Variants in FGF14 observed in about 807,000 individuals in gnomAD.
FGF14 encodes the protein fibroblast growth factor 14.
FGF14 carries 5 observed loss-of-function variants against 25.5 expected under a neutral mutation model. The observed-to-expected ratio is 0.20, with a 90% CI of 0.10 to 0.41. The LOEUF is 0.41. FGF14 is among the 10% of genes least tolerant of loss of function. The probability of loss-of-function intolerance (pLI) is 1.00; values close to 1 mark genes in which losing one functional copy is unlikely to be tolerated. For missense variants in FGF14, 222 were observed against 320.1 expected, an observed-to-expected ratio of 0.69 and a Z score of 2.34; for synonymous variants, 138 against 118.3, an observed-to-expected ratio of 1.17 and a Z score of -1.08.
chr13:102,319,066 A>G (rs1382946833), intron 1 of FGF14, among the ~76,000 whole-genome samples: 1 of 152,068 alleles, frequency 6.6e-6, no homozygotes, highest in Admixed American at 6.6e-5. Flanking sequence ...AGACGAAGGC[A>G]CTCCTTGCTG....
chr13:102,126,729 TA>T (rs2045964615), intron 1 of FGF14, among the ~76,000 whole-genome samples: 1 of 152,196 alleles, frequency 6.6e-6, no homozygotes. Context: ...TAAAAGTACC[TA>T]ACTCTTATGG....
intron 3 of FGF14, among the ~76,000 whole-genome samples, chr13:101,816,484 T>C (rs1046832786): frequency 6.6e-6 from 1 of 152,104 alleles, no homozygotes; most frequent in African/African-American, 2.4e-5. Flanking sequence ...GAAATATAAT[T>C]ACCTGGGTCA....
At chr13:102,295,608 C>T (rs949519660) in intron 1 of FGF14, among the ~76,000 whole-genome samples, 1 of 152,118 alleles carries the variant, frequency 6.6e-6, no homozygotes. Context: ...AAATCAAAGG[C>T]TAGGATCTTG....
chr13:102,107,231 G>T (rs1219374930), intron 1 of FGF14, among the ~76,000 whole-genome samples: 1 of 152,134 alleles, frequency 6.6e-6, no homozygotes, highest in Non-Finnish European at 1.5e-5. Flanking sequence ...TGTCTTAGTT[G>T]CTGACCCCTT....
At chr13:101,978,972 A>G (rs61966472) in intron 1 of FGF14, among the ~76,000 whole-genome samples, 7,887 of 152,314 alleles carry the variant, frequency 0.052, 316 homozygotes, top group Middle Eastern at 0.088. Context: ...AAAGGAAAGG[A>G]GTAGTAGCCA....
At chr13:102,384,685 G>A (rs554132013) in intron 1 of FGF14, among the ~76,000 whole-genome samples, 24 of 152,154 alleles carry the variant, frequency 1.6e-4, no homozygotes, top group South Asian at 2.1e-4. Flanking sequence ...AAAAAAAACT[G>A]TTAAATGTTA....
intron 1 of FGF14, among the ~76,000 whole-genome samples, chr13:102,241,303 AG>A (rs2051587528): frequency 6.6e-6 from 1 of 152,168 alleles, no homozygotes; most frequent in Non-Finnish European, 1.5e-5. Flanking sequence ...TAACAAAAAA[AG>A]GAGCATAATT....
intron 1 of FGF14, among the ~76,000 whole-genome samples, chr13:102,234,657 A>G (rs1489727252): frequency 6.6e-6 from 1 of 152,204 alleles, no homozygotes; most frequent in Non-Finnish European, 1.5e-5. Flanking sequence ...TTACATTACT[A>G]TCTTCACAGT....
intron 1 of FGF14, among the ~76,000 whole-genome samples, chr13:101,955,343 C>G (rs1189351033): frequency 1.3e-5 from 2 of 152,236 alleles, no homozygotes; most frequent in African/African-American, 2.4e-5. Context: ...ATTCTCACAA[C>G]CAGCAGGCCT....
chr13:102,044,012 T>C (rs1403712876), intron 1 of FGF14, among the ~76,000 whole-genome samples: 1 of 152,204 alleles, frequency 6.6e-6, no homozygotes, highest in Non-Finnish European at 1.5e-5. Context: ...TGGAACTGCA[T>C]AGAAATGACA....
intron 1 of FGF14, among the ~76,000 whole-genome samples, chr13:102,237,585 G>GAAAAAA (rs3066871): frequency 7.4e-6 from 1 of 135,598 alleles, no homozygotes; most frequent in Non-Finnish European, 1.6e-5. Flanking sequence ...TTACACTTCA[G>GAAAAAA]AAAAAAAAAA....
chr13:102,120,307 A>G (rs1158454294), intron 1 of FGF14, among the ~76,000 whole-genome samples: 3 of 152,232 alleles, frequency 2.0e-5, no homozygotes. Flanking sequence ...GAAAAAAGCA[A>G]AGAAAGTGGA....
At chr13:102,221,103 T>C (rs2050591174) in intron 1 of FGF14, among the ~76,000 whole-genome samples, 1 of 152,202 alleles carries the variant, frequency 6.6e-6, no homozygotes, top group African/African-American at 2.4e-5. Context: ...CCAAGAGCCC[T>C]TGCTTGCTTT....
chr13:102,266,945 T>C (rs1021273114), intron 1 of FGF14, among the ~76,000 whole-genome samples: 6 of 152,074 alleles, frequency 3.9e-5, no homozygotes, highest in Admixed American at 3.3e-4. Flanking sequence ...TCAAAATTGA[T>C]ATTCTTGAAG....
At chr13:102,336,677 A>G (rs1317592706) in intron 1 of FGF14, among the ~76,000 whole-genome samples, 4 of 152,236 alleles carry the variant, frequency 2.6e-5, no homozygotes, top group Non-Finnish European at 5.9e-5. Flanking sequence ...GTGAGAGAAG[A>G]TAAGTCAATG....
chr13:101,713,191 T>C lies in FGF14; in HGVS notation c.*9640A>G, dbSNP rs1015070415. 3 of 152,216 alleles carry C rather than the reference T, an allele frequency of 2.0e-5. No individual in the cohort carries two copies. Among genetic ancestry groups the C allele is most frequent in the Admixed American group, 6.5e-5 (1 of 15,278 alleles). 9.4% of individuals were successfully genotyped at this position (152,216 alleles called of 1,614,324 possible). A position where few individuals can be genotyped will look rare whatever the true frequency, so the allele number is the denominator to read the frequency against. ...AATGCATATACCAGTTTCCCTGATATGAAATATCACATAGTTGAGACACAT... is the reference window on the plus strand; with the variant it reads ...AATGCATATACCAGTTTCCCTGATACGAAATATCACATAGTTGAGACACAT... On this transcript the variant is annotated 3_prime_UTR_variant, in exon 5 of 5. Transcript: ENST00000376143.
chr13:102,263,075 CT>C, intron 1 of FGF14: 2 of 645,766 alleles, frequency 3.1e-6, no homozygotes, highest in Non-Finnish European at 2.9e-6. Context: ...CCAATGTCTC[CT>C]TTTGGAGTTT....
chr13:102,187,528 G>A (rs1193490620), intron 1 of FGF14, among the ~76,000 whole-genome samples: 9 of 152,184 alleles, frequency 5.9e-5, no homozygotes, highest in Non-Finnish European at 1.0e-4. Flanking sequence ...GCCTCTAAGG[G>A]TTGGGAGCTC....
Position 101,714,526 on chromosome 13 carries a change from C to T in FGF14, c.*8305G>A. ...GTGACTGTGATGACAGAGACTGCGA[C>T]AAACATGATGGTCTCATTTGTACAG... is the stretch of plus-strand genomic sequence containing the variant. On this transcript the variant is annotated 3_prime_UTR_variant, in exon 5 of 5. Coordinates refer to ENST00000376143, the MANE Select transcript of FGF14 (RefSeq NM_004115.4). The T allele has an allele frequency of 6.2e-7, 1 of 1,606,298 alleles. No individual in the cohort carries two copies. The highest frequency in any genetic ancestry group is 8.5e-7 in the Non-Finnish European group (1 of 1,172,982).
Sources: gnomAD v4.1 joint callset for allele counts (sites outside exome capture counted in the v4.1 genomes callset) on GRCh38, gnomAD v4.1.1 for gene constraint, MANE v1.5 for transcripts, NCBI Gene and HGNC (gene_info 2026-07-23, HGNC 2026-07-21) for gene names.